CNTNAP3B: variants seen among roughly 807,000 people sequenced by gnomAD.
CNTNAP3B encodes contactin-associated protein-like 3B.
Under a neutral mutation model 108.9 loss-of-function variants are expected in CNTNAP3B, and 25 were observed. The observed-to-expected ratio is 0.23, with a 90% CI of 0.17 to 0.32. CNTNAP3B has a LOEUF of 0.32. Among genes scored for constraint, CNTNAP3B ranks in the 10% least tolerant of loss-of-function variants. CNTNAP3B has a pLI of 1.00. For synonymous variants in CNTNAP3B, 103 were observed against 473.4 expected, an observed-to-expected ratio of 0.22 and a Z score of 10.16; for missense variants, 252 against 1,210.4, an observed-to-expected ratio of 0.21 and a Z score of 11.75.
At chr9:41,947,948 A>T (rs1255182848) in intron 13 of CNTNAP3B, among the ~76,000 whole-genome samples, 1 of 151,736 alleles carries the variant, frequency 6.6e-6, no homozygotes, top group Non-Finnish European at 1.5e-5. Flanking sequence ...CAAAAAGTAC[A>T]AACTACCACA....
chr9:42,119,351 C>G (rs374947014), intron 1 of CNTNAP3B, among the ~76,000 whole-genome samples: 4 of 132,468 alleles, frequency 3.0e-5, no homozygotes, highest in South Asian at 2.5e-4. Flanking sequence ...AATGGAAGAA[C>G]ATTCCATGCT....
At chr9:41,965,495 C>T (rs1825241316) in intron 10 of CNTNAP3B, among the ~76,000 whole-genome samples, 1 of 151,152 alleles carries the variant, frequency 6.6e-6, no homozygotes, top group Non-Finnish European at 1.5e-5. Context: ...GTGTGACCTT[C>T]TGGAGGCCTG....
At chr9:41,990,189 G>A (rs1267558849) in intron 8 of CNTNAP3B, among the ~76,000 whole-genome samples, 1 of 137,438 alleles carries the variant, frequency 7.3e-6, no homozygotes, top group Non-Finnish European at 1.5e-5. Context: ...GATTCACTAT[G>A]TTGGTAGGCA....
rs1406966235 is a variant in CNTNAP3B at position 42,079,157 on chromosome 9, T to G, written c.197-2095A>C. Among the ~76,000 whole-genome samples, 37 of 127,712 alleles carry G rather than the reference T, an allele frequency of 2.9e-4. No homozygotes were observed. The South Asian group carries it at 9.7e-3, about 34-fold the overall frequency. The allele number at this position is 127,712 out of a possible 152,430, so 83.8% of individuals were successfully genotyped here. On this transcript the variant is annotated intron_variant, in intron 2 of 23. Transcript: ENST00000377561. Reference sequence around the variant, plus strand: ...TATTATATTATTTTGATGATAATCATGGGATGTGGTGTTTCTCAAATAAAT... The same window carrying G: ...TATTATATTATTTTGATGATAATCAGGGGATGTGGTGTTTCTCAAATAAAT...
intron 18 of CNTNAP3B, among the ~76,000 whole-genome samples, chr9:41,916,469 T>A (rs62538162): frequency 6.8e-3 from 1,029 of 152,020 alleles, no homozygotes; most frequent in Non-Finnish European, 8.8e-3. Flanking sequence ...GTTATATCCC[T>A]TCAACCTGAA....
intron 13 of CNTNAP3B, among the ~76,000 whole-genome samples, chr9:41,950,832 C>T (rs1315066459): frequency 2.1e-5 from 3 of 140,198 alleles, no homozygotes; most frequent in Non-Finnish European, 4.6e-5. Flanking sequence ...GCCATCTCGG[C>T]TCACTGCAAG....
chr9:42,035,261 T>A (rs1368929640), intron 3 of CNTNAP3B, among the ~76,000 whole-genome samples: 1 of 141,414 alleles, frequency 7.1e-6, no homozygotes, highest in Non-Finnish European at 1.5e-5. Context: ...GCAGTTATTC[T>A]TTACCATTTT....
intron 13 of CNTNAP3B, among the ~76,000 whole-genome samples, chr9:41,942,152 C>A (rs1057498431): frequency 1.3e-5 from 2 of 152,402 alleles, no homozygotes; most frequent in East Asian, 1.9e-4. Flanking sequence ...AAGACAGGTT[C>A]TCTAAAAGAC....
Position 41,996,401 on chromosome 9 carries a change from C to T in CNTNAP3B, c.928-53G>A, listed in dbSNP as rs973807927. ...ATTGTTTAGTGATTTTCTGATGGTACGTGTTTAAAGCATTTATAAATTAAT... is the reference window on the plus strand; with the variant it reads ...ATTGTTTAGTGATTTTCTGATGGTATGTGTTTAAAGCATTTATAAATTAAT... On this transcript the variant is annotated intron_variant, in intron 6 of 23. Transcript: ENST00000377561. 3.5e-5 allele frequency: 44 copies of T among 1,240,326 alleles called. 3 individuals are homozygous for T. Among genetic ancestry groups the T allele is most frequent in the East Asian group, 2.2e-4 (8 of 36,342 alleles). 76.8% of individuals were successfully genotyped at this position (1,240,326 alleles called of 1,614,324 possible).
chr9:42,054,146 C>A (rs1587233477), intron 3 of CNTNAP3B, among the ~76,000 whole-genome samples: 1 of 108,702 alleles, frequency 9.2e-6, no homozygotes, highest in Admixed American at 9.5e-5. Flanking sequence ...TTCATTGTAG[C>A]TTGTTGCAGC....
At chr9:41,933,701 T>C (rs1359906276) in intron 14 of CNTNAP3B, among the ~76,000 whole-genome samples, 3 of 152,292 alleles carry the variant, frequency 2.0e-5, no homozygotes, top group Admixed American at 6.5e-5. Context: ...GGCAATCATA[T>C]TATCTACAAT....
intron 14 of CNTNAP3B, among the ~76,000 whole-genome samples, chr9:41,932,007 T>C (rs1182884786): frequency 1.3e-5 from 2 of 152,208 alleles, no homozygotes; most frequent in Non-Finnish European, 2.9e-5. Context: ...TTCATTGTTT[T>C]GGAAAGTCTG....
chr9:41,950,707 C>T (rs1418520332), intron 13 of CNTNAP3B, among the ~76,000 whole-genome samples: 4 of 147,592 alleles, frequency 2.7e-5, no homozygotes, highest in Non-Finnish European at 5.9e-5. Context: ...GGAGAACATA[C>T]TAGTGGTTAT....
At chr9:41,934,884 TTTTA>T (rs1466549696) in intron 14 of CNTNAP3B, among the ~76,000 whole-genome samples, 2 of 152,300 alleles carry the variant, frequency 1.3e-5, no homozygotes, top group Non-Finnish European at 2.9e-5. Context: ...ATTTTATGCT[TTTTA>T]TTTGTGGTTA....
intron 2 of CNTNAP3B, among the ~76,000 whole-genome samples, chr9:42,096,374 C>A (rs1404253763): frequency 2.8e-5 from 4 of 140,472 alleles, no homozygotes; most frequent in African/African-American, 1.1e-4. Flanking sequence ...ATTAAAACAC[C>A]TTTAGCCTGC....
At position 42,121,359 on chromosome 9, in the gene CNTNAP3B, C is replaced by A. The variant is rs1419005079; in HGVS notation, c.85+7651G>T. 5.7e-5 allele frequency among the ~76,000 whole-genome samples: 8 copies of A among 139,422 alleles called. 3 individuals are homozygous for A. Among genetic ancestry groups the A allele is most frequent in the African/African-American group, 2.3e-4 (8 of 35,162 alleles). The allele number at this position is 139,422 out of a possible 152,430, so 91.5% of individuals were successfully genotyped here. On this transcript the variant is annotated intron_variant, in intron 1 of 23. Transcript: ENST00000377561. ...AGGCTACCTGCACAAACGCCCATCA[C>A]AGGCTCAGCTTTCTAAGAAAACTCT...
intron 3 of CNTNAP3B, among the ~76,000 whole-genome samples, chr9:42,037,347 T>C (rs1826653375): frequency 8.6e-6 from 1 of 115,802 alleles, no homozygotes; most frequent in Non-Finnish European, 1.8e-5. Context: ...TAAAGGAGGA[T>C]GTTCGAACCC....
At position 42,120,937 on chromosome 9, in the gene CNTNAP3B, G is replaced by A. The variant is rs1287759148; in HGVS notation, c.85+8073C>T. 8.0e-5 allele frequency among the ~76,000 whole-genome samples: 11 copies of A among 138,104 alleles called. 1 individual carries two copies. The South Asian group carries it at 9.5e-4, about 12-fold the overall frequency. The allele number at this position is 138,104 out of a possible 152,430, so 90.6% of individuals were successfully genotyped here. A position where few individuals can be genotyped will look rare whatever the true frequency, so the allele number is the denominator to read the frequency against. On this transcript the variant is annotated intron_variant, in intron 1 of 23. Transcript: ENST00000377561. ...GTATACATATGCAACAAACCTGCAC[G>A]TTGTGCACATGTACCCTGTAACTTA...
At chr9:41,924,834 A>T (rs1244677648) in intron 15 of CNTNAP3B, among the ~76,000 whole-genome samples, 30 of 152,268 alleles carry the variant, frequency 2.0e-4, no homozygotes, top group African/African-American at 7.0e-4. Context: ...ACAGTGTGTG[A>T]GTCTTTTCTT....
Sources: gnomAD v4.1 joint callset for allele counts (sites outside exome capture counted in the v4.1 genomes callset) on GRCh38, gnomAD v4.1.1 for gene constraint, MANE v1.5 for transcripts, NCBI Gene and HGNC (gene_info 2026-07-23, HGNC 2026-07-21) for gene names.